Variants in ASTN2 observed in about 807,000 individuals in gnomAD.
ASTN2 encodes astrotactin 2.
Under a neutral mutation model 139.8 loss-of-function variants are expected in ASTN2, and 54 were observed. That is an observed-to-expected ratio of 0.39 (90% CI 0.31 to 0.48). ASTN2 has a LOEUF of 0.48. Ranked by LOEUF, ASTN2 falls within the 20% of genes least tolerant of loss-of-function variation. The pLI is 0.95. For synonymous variants in ASTN2, 756 were observed against 719.5 expected, an observed-to-expected ratio of 1.05 and a Z score of -0.81; for missense variants, 1,565 against 1,725.1, an observed-to-expected ratio of 0.91 and a Z score of 1.64.
chr9:117,317,725 A>G (rs924225444), intron 1 of ASTN2, among the ~76,000 whole-genome samples: 6 of 152,170 alleles, frequency 3.9e-5, no homozygotes, highest in African/African-American at 1.4e-4. Context: ...ATCACCAGCC[A>G]TTGACATCAA....
intron 5 of ASTN2, among the ~76,000 whole-genome samples, chr9:117,045,274 A>G (rs893960580): frequency 6.9e-5 from 10 of 144,072 alleles, no homozygotes; most frequent in Admixed American, 6.2e-4. Flanking sequence ...AAAAAAAAAA[A>G]GAGCTAAATA....
chr9:116,870,723 G>T, intron 10 of ASTN2, among the ~76,000 whole-genome samples: 1 of 152,164 alleles, frequency 6.6e-6, no homozygotes, highest in East Asian at 1.9e-4. Flanking sequence ...GGCTGAGTCA[G>T]CCCAAGCCTG....
chr9:116,552,618 T>C (rs1355065345), intron 19 of ASTN2, among the ~76,000 whole-genome samples: 1 of 152,198 alleles, frequency 6.6e-6, no homozygotes, highest in Non-Finnish European at 1.5e-5. Context: ...AGCTCATATA[T>C]CAAGTCACAG....
chr9:116,611,879 A>C (rs1855556691), intron 19 of ASTN2: 1 of 152,186 alleles, frequency 6.6e-6, no homozygotes, highest in African/African-American at 2.4e-5. Flanking sequence ...AGACAGATAC[A>C]CTTCAGAAAA....
intron 7 of ASTN2, among the ~76,000 whole-genome samples, chr9:117,005,604 A>T (rs747740237): frequency 2.0e-5 from 3 of 152,184 alleles, no homozygotes; most frequent in Non-Finnish European, 2.9e-5. Flanking sequence ...GTGGCCAGAG[A>T]TAAGAACTTA....
In ASTN2 at chr9:116,733,541, G is replaced by A; in HGVS notation, c.2397-18C>T. 6.2e-7 allele frequency: 1 copy of A among 1,614,056 alleles called. No homozygotes were observed. The highest frequency in any genetic ancestry group is 8.5e-7 in the Non-Finnish European group (1 of 1,179,924). The stretch of plus-strand genomic sequence containing the variant: ...TGTTCTCCCTGTGGAGAGGAGCAGA[G>A]AGACTGCCAAATCGAGGAAGTGGAG... On this transcript the variant is annotated intron_variant, in intron 13 of 22. Transcript: ENST00000313400.
chr9:116,575,981 A>G (rs190189958), intron 19 of ASTN2, among the ~76,000 whole-genome samples: 1 of 152,286 alleles, frequency 6.6e-6, no homozygotes, highest in African/African-American at 2.4e-5. Flanking sequence ...CTTTGTCCCA[A>G]CACTGACCTT....
rs538124801 is a variant in ASTN2 at position 116,450,599 on chromosome 9, C to T, written c.3498-8046G>A. 5.9e-5 allele frequency among the ~76,000 whole-genome samples: 9 copies of T among 152,222 alleles called. No individual in the cohort carries two copies. In the East Asian group the frequency reaches 1.5e-3, roughly 26 times the overall value. On this transcript the variant is annotated intron_variant, in intron 20 of 22. Transcript: ENST00000313400. ...CAGCCTGGGACATGAGGGTATTGGG[C>T]AAGTTGGGCTGGAGAGGCTGCCAAA...
chr9:117,147,414 T>A (rs2132871626), intron 3 of ASTN2, among the ~76,000 whole-genome samples: 1 of 146,424 alleles, frequency 6.8e-6, no homozygotes. Context: ...CCAGTCTGGG[T>A]GAAAGAGTGA....
At chr9:116,792,408 T>C (rs925601618) in intron 13 of ASTN2, among the ~76,000 whole-genome samples, 1 of 152,168 alleles carries the variant, frequency 6.6e-6, no homozygotes, top group Non-Finnish European at 1.5e-5. Flanking sequence ...TGCTGGTAAG[T>C]AGCTTTCTGC....
intron 1 of ASTN2, among the ~76,000 whole-genome samples, chr9:117,407,503 T>G (rs1357967575): frequency 2.0e-5 from 3 of 152,086 alleles, no homozygotes; most frequent in African/African-American, 7.2e-5. Context: ...TAGTTTCCCT[T>G]CATAGTTTGT....
At position 116,765,039 on chromosome 9, in the gene ASTN2, C is replaced by T. The variant is rs73519444; in HGVS notation, c.2397-31516G>A. On this transcript the variant is annotated intron_variant, in intron 13 of 22. Coordinates refer to ENST00000313400, the MANE Select transcript of ASTN2 (RefSeq NM_001365068.1). Reference sequence around the variant, plus strand: ...GTCAATCCTCTTTATCTTTGAGAGACGCTGTGTGAAATGCTGATACCTCTA... The same window carrying T: ...GTCAATCCTCTTTATCTTTGAGAGATGCTGTGTGAAATGCTGATACCTCTA... 1.0e-2 allele frequency among the ~76,000 whole-genome samples: 1,515 copies of T among 152,164 alleles called. 18 individuals carry two copies. The highest frequency in any genetic ancestry group is 0.034 in the African/African-American group (1,391 of 41,502).
intron 10 of ASTN2, among the ~76,000 whole-genome samples, chr9:116,968,626 T>C (rs1836087813): frequency 6.6e-6 from 1 of 152,046 alleles, no homozygotes; most frequent in African/African-American, 2.4e-5. Flanking sequence ...TGGCTGGGTG[T>C]GGTGGCTCAC....
intron 20 of ASTN2, among the ~76,000 whole-genome samples, chr9:116,444,991 T>C: frequency 6.6e-6 from 1 of 152,138 alleles, no homozygotes; most frequent in East Asian, 1.9e-4. Context: ...CAGGCAACAT[T>C]ATGTAAGCAC....
intron 13 of ASTN2, among the ~76,000 whole-genome samples, chr9:116,749,923 C>T (rs1219010170): frequency 2.0e-5 from 3 of 152,168 alleles, no homozygotes; most frequent in Non-Finnish European, 4.4e-5. Flanking sequence ...TGAGGCCCTT[C>T]CCAAAAGCAG....
chr9:116,632,101 A>T (rs1376078806), intron 17 of ASTN2, among the ~76,000 whole-genome samples: 1 of 147,670 alleles, frequency 6.8e-6, no homozygotes, highest in Non-Finnish European at 1.5e-5. Context: ...TGATAGAGTG[A>T]GACTGTGTCA....
At chr9:117,224,610 A>G (rs753321175) in intron 2 of ASTN2, among the ~76,000 whole-genome samples, 10 of 152,214 alleles carry the variant, frequency 6.6e-5, no homozygotes, top group Non-Finnish European at 1.3e-4. Context: ...AGCAAAGGCA[A>G]ACTGGAAAGC....
intron 6 of ASTN2, among the ~76,000 whole-genome samples, chr9:117,016,654 AT>A (rs1837707180): frequency 1.0e-5 from 1 of 100,074 alleles, no homozygotes; most frequent in African/African-American, 4.9e-5. Context: ...ATATATATAT[AT>A]AACCTATATA....
At chr9:116,955,412 G>A (rs1219754401) in intron 10 of ASTN2, among the ~76,000 whole-genome samples, 2 of 152,236 alleles carry the variant, frequency 1.3e-5, no homozygotes, top group African/African-American at 2.4e-5. Context: ...AGCAGAAATA[G>A]TAAATGAGAC....
Sources: gnomAD v4.1 joint callset for allele counts (sites outside exome capture counted in the v4.1 genomes callset) on GRCh38, gnomAD v4.1.1 for gene constraint, MANE v1.5 for transcripts, NCBI Gene and HGNC (gene_info 2026-07-23, HGNC 2026-07-21) for gene names.